The following DEPDC5 variants were observed in gnomAD, a reference collection of about 807,000 sequenced individuals.
DEPDC5 encodes GATOR1 complex protein DEPDC5.
A neutral mutation model predicts 217.3 loss-of-function variants in DEPDC5; 73 were observed. That is an observed-to-expected ratio of 0.34 (90% CI 0.28 to 0.41). DEPDC5 has a LOEUF of 0.41. Ranked by LOEUF, DEPDC5 falls within the 10% of genes least tolerant of loss-of-function variation. DEPDC5 has a pLI of 1.00. For missense variants in DEPDC5, 1,675 were observed against 2,070.1 expected (o/e 0.81, Z 3.70); for synonymous variants, 733 against 756.7 (o/e 0.97, Z 0.51).
chr22:31,840,176 G>A (rs1051212521), intron 27 of DEPDC5, among the ~76,000 whole-genome samples: 4 of 152,118 alleles, frequency 2.6e-5, no homozygotes, highest in Admixed American at 2.0e-4. Context: ...TTAATATGGG[G>A]CCCTATCTAA....
chr22:31,884,450 C>A (rs1361200884), intron 38 of DEPDC5, among the ~76,000 whole-genome samples: 1 of 152,202 alleles, frequency 6.6e-6, no homozygotes, highest in Non-Finnish European at 1.5e-5. Flanking sequence ...TTTAGCCTGG[C>A]GGCCAGTCCT....
Position 31,802,688 on chromosome 22 carries a change from T to C in DEPDC5, c.947-16T>C, listed in dbSNP as rs372652646. On this transcript the variant is annotated splice_polypyrimidine_tract_variant and intron_variant, in intron 14 of 42. Coordinates refer to ENST00000651528, the MANE Select transcript of DEPDC5 (RefSeq NM_001242896.3). ...GCTGTAACATCATTATTGTGGAATT[T>C]TTGTTTTATTTCTAGTGTTTGATAA... The C allele has an allele frequency of 5.2e-6, 8 of 1,529,206 alleles. No homozygotes were observed. The highest frequency in any genetic ancestry group is 7.1e-6 in the Non-Finnish European group (8 of 1,133,896). The allele number at this position is 1,529,206 out of a possible 1,614,324, so 94.7% of individuals were successfully genotyped here.
Position 31,843,097 on chromosome 22 carries a change from C to T in DEPDC5, c.2518C>T (p.Leu840Phe). The stretch of plus-strand genomic sequence containing the variant: ...GGAAATTATTATTTTTCTGTTAGGC[C>T]TTGTGTCCCGAAACCGCCCTGAGGA... ...LSSSPLYSRGLVSRNRPEEED... is the reference protein window; with the variant it reads ...LSSSPLYSRGFVSRNRPEEED... The change falls in exon 28 of 43, where the codon CTT becomes TTT. Residue 840 changes from leucine to phenylalanine, a missense_variant and splice_region_variant. Leu to Phe is a conservative substitution (Grantham distance 22). Around this residue, in one of 11 missense-constraint regions of DEPDC5, gnomAD observed 293 missense variants for 386.1 expected, o/e 0.76. Coordinates refer to ENST00000651528, the MANE Select transcript of DEPDC5 (RefSeq NM_001242896.3). 1 of 1,611,686 alleles carries T rather than the reference C, an allele frequency of 6.2e-7. No individual in the cohort carries two copies. Among genetic ancestry groups the T allele is most frequent in the Middle Eastern group, 1.7e-4 (1 of 6,040 alleles).
chr22:31,849,792 T>A (rs1419419415), intron 31 of DEPDC5, among the ~76,000 whole-genome samples: 1 of 139,400 alleles, frequency 7.2e-6, no homozygotes, highest in Non-Finnish European at 1.6e-5. Flanking sequence ...AAAAAAAAAA[T>A]AAGTAAATAA....
chr22:31,798,798 T>A, intron 14 of DEPDC5, 142 bp downstream of exon 14: 2 of 698,438 alleles, frequency 2.9e-6, no homozygotes, highest in Admixed American at 3.0e-5. Flanking sequence ...CAGAATAAAG[T>A]GAAAGCAAGT....
At chr22:31,808,796 C>T (rs1393493495) in intron 18 of DEPDC5, among the ~76,000 whole-genome samples, 1 of 151,960 alleles carries the variant, frequency 6.6e-6, no homozygotes, top group African/African-American at 2.4e-5. Context: ...TCCTGACAAC[C>T]TCAGGTGATC....
intron 31 of DEPDC5, chr22:31,853,555 A>G (rs2092139809): frequency 6.6e-6 from 1 of 152,210 alleles, no homozygotes; most frequent in Non-Finnish European, 1.5e-5. Context: ...AAAACAACAT[A>G]CAGCAGACAA....
At chr22:31,821,806 G>A (rs1051468742) in intron 23 of DEPDC5, among the ~76,000 whole-genome samples, 169 bp downstream of exon 23, 1 of 152,176 alleles carries the variant, frequency 6.6e-6, no homozygotes. Flanking sequence ...GTTGGTGAAG[G>A]GCAAAGCAAA....
intron 20 of DEPDC5, 35 bp downstream of exon 20, chr22:31,810,676 A>G (rs746133823): frequency 6.2e-7 from 1 of 1,611,516 alleles, no homozygotes; most frequent in South Asian, 1.1e-5. Flanking sequence ...GTGCATATAA[A>G]AATTGTGTAG....
At chr22:31,788,861 C>A (rs943225629) in intron 10 of DEPDC5, among the ~76,000 whole-genome samples, 2 of 151,786 alleles carry the variant, frequency 1.3e-5, no homozygotes, top group South Asian at 4.2e-4. Context: ...CAGACGTGAG[C>A]CTCCGCGACT....
intron 25 of DEPDC5, 86 bp from the exon 26 acceptor site, chr22:31,836,886 C>G: frequency 1.7e-6 from 2 of 1,167,352 alleles, no homozygotes; most frequent in Non-Finnish European, 2.5e-6. Context: ...TTTCCCCACT[C>G]TTCCCTCCCC....
intron 24 of DEPDC5, among the ~76,000 whole-genome samples, chr22:31,831,871 T>A (rs922122172): frequency 4.6e-5 from 7 of 152,330 alleles, no homozygotes; most frequent in Admixed American, 1.3e-4. Context: ...AACAAACACA[T>A]CAAGATAAGA....
In DEPDC5 at chr22:31,837,060, C is replaced by T. The variant is rs747004779; in HGVS notation, c.2259C>T (p.Leu753=). The T allele has an allele frequency of 1.9e-6, 3 of 1,614,046 alleles. No homozygotes were observed. Among genetic ancestry groups the T allele is most frequent in the South Asian group, 2.2e-5 (2 of 91,088 alleles). Residue 753 remains leucine (L), a synonymous_variant, in exon 26 of 43, where the codon CTC becomes CTT. Coordinates refer to ENST00000651528, the MANE Select transcript of DEPDC5 (RefSeq NM_001242896.3). The part of the protein sequence containing the change: ...DWKSLTTPAC[L]PLTTDYFPDR... ...AGTCTCTCACTACTCCGGCGTGCCT[C>T]CCCCTTACCACCGACTACTTCCCTG...
At chr22:31,880,820 C>T (rs571114685) in intron 38 of DEPDC5, among the ~76,000 whole-genome samples, 3 of 150,762 alleles carry the variant, frequency 2.0e-5, no homozygotes, top group South Asian at 4.2e-4. Context: ...GTCGGGAGAT[C>T]GAGACCATCC....
At chr22:31,899,498 C>T (rs1042995887) in intron 40 of DEPDC5, among the ~76,000 whole-genome samples, 3 of 152,128 alleles carry the variant, frequency 2.0e-5, no homozygotes, top group African/African-American at 7.2e-5. Flanking sequence ...AAGTGATTCT[C>T]CTGCCTCAGC....
intron 31 of DEPDC5, among the ~76,000 whole-genome samples, chr22:31,849,208 T>C (rs944311307): frequency 2.6e-5 from 4 of 152,156 alleles, no homozygotes; most frequent in African/African-American, 2.4e-5. Flanking sequence ...TGTTACCCAA[T>C]TCCAAAGTCG....
chr22:31,794,753 G>A (rs551615687), intron 12 of DEPDC5, among the ~76,000 whole-genome samples: 2 of 152,190 alleles, frequency 1.3e-5, no homozygotes, highest in South Asian at 4.1e-4. Flanking sequence ...GGGTGCAGTG[G>A]TGCGCGCCTG....
chr22:31,882,730 G>GT (rs1233215470), intron 38 of DEPDC5, among the ~76,000 whole-genome samples: 2 of 152,026 alleles, frequency 1.3e-5, no homozygotes, highest in Non-Finnish European at 2.9e-5. Context: ...ACTATCATTT[G>GT]TTCATTCTTT....
chr22:31,851,989 A>G (rs774350913), intron 31 of DEPDC5, among the ~76,000 whole-genome samples: 18 of 152,120 alleles, frequency 1.2e-4, no homozygotes, highest in Non-Finnish European at 2.2e-4. Flanking sequence ...CCAGGAGTTC[A>G]AGATCAGGGT....
Sources: allele counts gnomAD v4.1 joint callset (sites outside exome capture counted in the v4.1 genomes callset), GRCh38; gene constraint gnomAD v4.1.1; regional missense constraint gnomAD v4.1.1; transcripts MANE v1.5; gene names NCBI Gene and HGNC (gene_info 2026-07-23, HGNC 2026-07-21).